Variants in PEMT observed in about 807,000 individuals in gnomAD.
PEMT encodes the protein phosphatidylethanolamine N-methyltransferase.
A neutral mutation model predicts 27.4 loss-of-function variants in PEMT; 23 were observed. That is an observed-to-expected ratio of 0.84 (90% CI 0.60 to 1.19). PEMT has a LOEUF of 1.19. Ranked by LOEUF, PEMT falls within the 50% of genes most tolerant of loss-of-function variation. The pLI, the probability that PEMT is intolerant of heterozygous loss-of-function variation, is 0.00. For missense variants in PEMT, 307 were observed against 310.1 expected (o/e 0.99, Z 0.07); for synonymous variants, 137 against 139.1 (o/e 0.98, Z 0.11).
At chr17:17,569,137 A>G (rs1254631953) in intron 2 of PEMT, among the ~76,000 whole-genome samples, 1 of 152,170 alleles carries the variant, frequency 6.6e-6, no homozygotes, top group African/African-American at 2.4e-5. Context: ...TAAAAGCAGG[A>G]AAGTCCCCGG....
At chr17:17,517,436 C>T (rs556588174) in intron 3 of PEMT, among the ~76,000 whole-genome samples, 2 of 152,346 alleles carry the variant, frequency 1.3e-5, no homozygotes, top group African/African-American at 4.8e-5. Flanking sequence ...CCATCGGAAG[C>T]AAACTGTCCC....
chr17:17,556,854 C>A (rs953983439), intron 2 of PEMT, among the ~76,000 whole-genome samples: 1 of 152,138 alleles, frequency 6.6e-6, no homozygotes, highest in African/African-American at 2.4e-5. Flanking sequence ...AAATCAAATG[C>A]GTCTGCAGAT....
intron 2 of PEMT, among the ~76,000 whole-genome samples, chr17:17,562,609 G>A (rs1345277557): frequency 1.3e-5 from 2 of 152,248 alleles, no homozygotes; most frequent in Non-Finnish European, 2.9e-5. Context: ...AGGAGTTTGA[G>A]ACCAGCCTGG....
intron 1 of PEMT, among the ~76,000 whole-genome samples, chr17:17,586,600 AAATGAG>A (rs1408130095): frequency 6.6e-6 from 1 of 152,252 alleles, no homozygotes; most frequent in Non-Finnish European, 1.5e-5. Flanking sequence ...AACTGAATGA[AAATGAG>A]AATAGAACAC....
chr17:17,555,165 G>A (rs1909961034), intron 2 of PEMT, among the ~76,000 whole-genome samples: 1 of 152,136 alleles, frequency 6.6e-6, no homozygotes, highest in African/African-American at 2.4e-5. Flanking sequence ...AGCCCAGAGT[G>A]AGGACATGGC....
At position 17,534,071 on chromosome 17, in the gene PEMT, A is replaced by G. The variant is rs545952133; in HGVS notation, c.205-11676T>C. Among the ~76,000 whole-genome samples the G allele has an allele frequency of 1.7e-3, 255 of 152,178 alleles. 2 individuals carry two copies. The highest frequency in any genetic ancestry group is 0.016 in the South Asian group (79 of 4,818). On this transcript the variant is annotated intron_variant, in intron 2 of 6. Coordinates refer to ENST00000255389, the MANE Select transcript of PEMT (RefSeq NM_148172.3). The stretch of plus-strand genomic sequence containing the variant: ...GTGTTATGCACACACCTACCACCAC[A>G]TGACCCAGCCATTCCACTCCTAGTA...
At chr17:17,580,772 C>T (rs944112628) in intron 1 of PEMT, among the ~76,000 whole-genome samples, 1 of 152,200 alleles carries the variant, frequency 6.6e-6, no homozygotes, top group Non-Finnish European at 1.5e-5. Flanking sequence ...ACCAATCCTC[C>T]CGTGGCCCAT....
chr17:17,519,460 A>C (rs1907106595), intron 3 of PEMT, among the ~76,000 whole-genome samples: 1 of 152,166 alleles, frequency 6.6e-6, no homozygotes, highest in African/African-American at 2.4e-5. Context: ...CATCTGTAAG[A>C]AGCTGACTTC....
In PEMT at chr17:17,569,698, T is replaced by C. The variant is rs117019192; in HGVS notation, c.204+7222A>G. Among the ~76,000 whole-genome samples, 36 of 152,332 alleles carry C rather than the reference T, an allele frequency of 2.4e-4. No individual in the cohort carries two copies. The East Asian group carries it at 6.6e-3, about 28-fold the overall frequency. ...CTAGGTTGGAAGTAGGGTTCCAACT[T>C]GCTATGTCTCCAGCAGCTTTGATGT... On this transcript the variant is annotated intron_variant, in intron 2 of 6. Transcript: ENST00000255389.
At chr17:17,515,093 C>T (rs757055516) in intron 3 of PEMT, among the ~76,000 whole-genome samples, 3 of 152,148 alleles carry the variant, frequency 2.0e-5, no homozygotes, top group Admixed American at 1.3e-4. Flanking sequence ...AGGCCAGGCC[C>T]GAGACGCTGG....
At chr17:17,577,792 C>A (rs1442099464) in intron 1 of PEMT, among the ~76,000 whole-genome samples, 1 of 151,820 alleles carries the variant, frequency 6.6e-6, no homozygotes, top group Non-Finnish European at 1.5e-5. Flanking sequence ...CCGAGGCGGG[C>A]GGATCACGAG....
chr17:17,539,532 T>C (rs1908731807), intron 2 of PEMT, among the ~76,000 whole-genome samples: 1 of 152,234 alleles, frequency 6.6e-6, no homozygotes, highest in South Asian at 2.1e-4. Flanking sequence ...TGTTCCTTTT[T>C]GTGGCTACGC....
At chr17:17,554,268 C>T (rs1336812615) in intron 2 of PEMT, among the ~76,000 whole-genome samples, 1 of 152,250 alleles carries the variant, frequency 6.6e-6, no homozygotes, top group Non-Finnish European at 1.5e-5. Flanking sequence ...GGGAGGCTGG[C>T]CTCTGTCCCT....
chr17:17,516,979 A>C (rs542987797), intron 3 of PEMT, among the ~76,000 whole-genome samples: 16 of 152,310 alleles, frequency 1.1e-4, no homozygotes, highest in Non-Finnish European at 2.2e-4. Flanking sequence ...AGTTAATCAA[A>C]AGGGAGGTGA....
At chr17:17,507,075 G>T in intron 5 of PEMT, 1 of 1,215,286 alleles carries the variant, frequency 8.2e-7, no homozygotes, top group Non-Finnish European at 1.2e-6. Flanking sequence ...GCGGCAGCTC[G>T]TCAGTGACGG....
intron 2 of PEMT, among the ~76,000 whole-genome samples, chr17:17,560,270 G>C (rs1228456935): frequency 6.6e-6 from 1 of 152,208 alleles, no homozygotes; most frequent in Non-Finnish European, 1.5e-5. Context: ...GGGTGCAGGA[G>C]AAATGTGCCC....
At position 17,505,772 on chromosome 17, in the gene PEMT, C is replaced by A; in HGVS notation, c.*19G>T. 1 of 1,603,472 alleles carries A rather than the reference C, an allele frequency of 6.2e-7. No homozygotes were observed. The highest frequency in any genetic ancestry group is 1.1e-5 in the South Asian group (1 of 89,270). On this transcript the variant is annotated 3_prime_UTR_variant, in exon 7 of 7. Coordinates refer to ENST00000255389, the MANE Select transcript of PEMT (RefSeq NM_148172.3). Reference sequence around the variant, plus strand: ...GCCAGGAGGCTGGCCAGGCCTTCAGCAAAGCTGTTGCAGCTCAATCAGCTC... The same window carrying A: ...GCCAGGAGGCTGGCCAGGCCTTCAGAAAAGCTGTTGCAGCTCAATCAGCTC...
chr17:17,512,330 C>T lies in PEMT; in HGVS notation c.466+179G>A, dbSNP rs1255768154. 3.3e-5 allele frequency among the ~76,000 whole-genome samples: 5 copies of T among 152,314 alleles called. No homozygotes were observed. In the South Asian group the frequency reaches 8.3e-4, roughly 25 times the overall value. On this transcript the variant is annotated intron_variant, in intron 4 of 6. Coordinates refer to ENST00000255389, the MANE Select transcript of PEMT (RefSeq NM_148172.3). The surrounding 1 kb of genome is among the most constrained non-coding windows in gnomAD (Gnocchi z 6.3). ...CTGGGGTAAGAGGAGCTGTTGGAGC[C>T]CAGCCTCCTGTTCTAACCACAGACA...
At chr17:17,520,800 C>G (rs954121346) in intron 3 of PEMT, among the ~76,000 whole-genome samples, 1 of 152,252 alleles carries the variant, frequency 6.6e-6, no homozygotes, top group African/African-American at 2.4e-5. Context: ...GAAGCAAAGG[C>G]CAGGAGCCAG....
Sources: allele counts gnomAD v4.1 joint callset (sites outside exome capture counted in the v4.1 genomes callset), GRCh38; gene constraint gnomAD v4.1.1; non-coding constraint Gnocchi (gnomAD v3.1); transcripts MANE v1.5; gene names NCBI Gene and HGNC (gene_info 2026-07-23, HGNC 2026-07-21).